Variants in PTPRM observed in about 807,000 individuals in gnomAD.
The protein encoded by PTPRM is receptor-type tyrosine-protein phosphatase mu.
A neutral mutation model predicts 186.7 loss-of-function variants in PTPRM; 47 were observed. The observed-to-expected ratio is 0.25, with a 90% CI of 0.20 to 0.32. The LOEUF (loss-of-function observed/expected upper bound fraction) is 0.32, where lower values mean the gene tolerates loss of function less well. PTPRM is among the 10% of genes least tolerant of loss of function. PTPRM has a pLI of 1.00. For missense variants in PTPRM, 1,494 were observed against 1,865.0 expected (o/e 0.80, Z 3.66); for synonymous variants, 668 against 674.9 (o/e 0.99, Z 0.16).
At chr18:8,384,707 G>T (rs777764750) in intron 30 of PTPRM, 21 bp downstream of exon 30, 125 of 1,613,010 alleles carry the variant, frequency 7.7e-5, no homozygotes, top group Non-Finnish European at 5.9e-5. Flanking sequence ...GGCCTGTCAT[G>T]CCTGTGATTA....
At chr18:8,088,528 A>G (rs1026518058) in intron 10 of PTPRM, among the ~76,000 whole-genome samples, 8 of 152,112 alleles carry the variant, frequency 5.3e-5, no homozygotes, top group African/African-American at 1.7e-4. Flanking sequence ...CCATCTCCCA[A>G]CTTCAACTCA....
chr18:7,750,696 G>A (rs996769374), intron 1 of PTPRM, among the ~76,000 whole-genome samples: 5 of 152,046 alleles, frequency 3.3e-5, no homozygotes, highest in Non-Finnish European at 5.9e-5. Flanking sequence ...GAAAAAATAC[G>A]TGCTATCTCA....
chr18:8,158,218 G>A (rs2093161388), intron 14 of PTPRM, among the ~76,000 whole-genome samples: 1 of 152,192 alleles, frequency 6.6e-6, no homozygotes, highest in South Asian at 2.1e-4. Context: ...TCTTAAAAGG[G>A]TATTGAGAGA....
intron 1 of PTPRM, among the ~76,000 whole-genome samples, chr18:7,590,799 A>G (rs959536951): frequency 6.6e-6 from 1 of 152,248 alleles, no homozygotes; most frequent in East Asian, 1.9e-4. Flanking sequence ...TGTATGGAAT[A>G]CAAGCTAAAA....
intron 7 of PTPRM, among the ~76,000 whole-genome samples, chr18:7,972,768 A>C (rs1168260422): frequency 6.6e-6 from 1 of 152,154 alleles, no homozygotes; most frequent in Non-Finnish European, 1.5e-5. Flanking sequence ...CAAAAAATAT[A>C]GAAGTATATG....
intron 1 of PTPRM, among the ~76,000 whole-genome samples, chr18:7,705,373 C>T (rs557204334): frequency 4.0e-5 from 6 of 151,272 alleles, no homozygotes; most frequent in Admixed American, 6.6e-5. Flanking sequence ...CTCTCTCTCT[C>T]TATCTTCCTA....
chr18:7,746,025 T>C (rs575189202), intron 1 of PTPRM, among the ~76,000 whole-genome samples: 177 of 152,022 alleles, frequency 1.2e-3, no homozygotes, highest in African/African-American at 4.1e-3. Flanking sequence ...TAACCTAATA[T>C]GGAAATGGAG....
At chr18:7,985,953 T>A (rs1286946782) in intron 7 of PTPRM, among the ~76,000 whole-genome samples, 2 of 151,982 alleles carry the variant, frequency 1.3e-5, no homozygotes, top group East Asian at 3.9e-4. Flanking sequence ...TGCAAATGAG[T>A]TATTTCAGAG....
intron 7 of PTPRM, among the ~76,000 whole-genome samples, chr18:7,969,464 G>C (rs1401295744): frequency 6.9e-6 from 1 of 144,756 alleles, no homozygotes; most frequent in Non-Finnish European, 1.5e-5. Flanking sequence ...AATCAGAGCA[G>C]AACTGAAGGA....
At position 8,157,721 on chromosome 18, in the gene PTPRM, G is replaced by A. The variant is rs1431684230; in HGVS notation, c.2300+13942G>A. Among the ~76,000 whole-genome samples the A allele has an allele frequency of 2.0e-5, 3 of 152,298 alleles. No homozygotes were observed. In the East Asian group the frequency reaches 5.8e-4, roughly 29 times the overall value. ...GTTCTCTGCAGATAAGTAAACCAAA[G>A]GTCCTGGGGCATCAATACTACCATG... On this transcript the variant is annotated intron_variant, in intron 14 of 32. Coordinates refer to ENST00000580170, the MANE Select transcript of PTPRM (RefSeq NM_001105244.2).
intron 1 of PTPRM, among the ~76,000 whole-genome samples, chr18:7,644,028 T>C (rs1410792548): frequency 1.3e-5 from 2 of 152,212 alleles, no homozygotes; most frequent in Non-Finnish European, 2.9e-5. Flanking sequence ...TCTTTTCAAA[T>C]GAATTTCCTT....
chr18:8,221,084 T>C (rs762031208), intron 14 of PTPRM, among the ~76,000 whole-genome samples: 15 of 152,152 alleles, frequency 9.9e-5, no homozygotes, highest in Non-Finnish European at 1.9e-4. Flanking sequence ...CTGTTTTTCC[T>C]CCCACTAAAC....
chr18:8,351,289 AAGTC>A (rs1485065480), intron 23 of PTPRM, among the ~76,000 whole-genome samples: 1 of 152,180 alleles, frequency 6.6e-6, no homozygotes, highest in Non-Finnish European at 1.5e-5. Context: ...CATTTATAGT[AAGTC>A]AGTCAGAGAA....
chr18:7,995,533 T>A (rs1214592278), intron 7 of PTPRM: 1 of 152,142 alleles, frequency 6.6e-6, no homozygotes, highest in Non-Finnish European at 1.5e-5. Context: ...AACAAAATAT[T>A]AACATAGTAA....
chr18:8,377,280 A>G (rs2095702587), intron 26 of PTPRM: 1 of 152,220 alleles, frequency 6.6e-6, no homozygotes, highest in Non-Finnish European at 1.5e-5. Flanking sequence ...AATCCCTTAC[A>G]TTTAGATGGT....
chr18:8,216,578 A>G (rs12454501), intron 14 of PTPRM, among the ~76,000 whole-genome samples: 71,657 of 151,922 alleles, frequency 0.47, 17,381 homozygotes, highest in East Asian at 0.74. Flanking sequence ...TTTATTTTTG[A>G]TCATTTTTCC....
intron 14 of PTPRM, among the ~76,000 whole-genome samples, chr18:8,171,895 C>T (rs1163970538): frequency 6.6e-6 from 1 of 152,132 alleles, no homozygotes; most frequent in Non-Finnish European, 1.5e-5. Context: ...GGAAAATCAT[C>T]TAACACAAAA....
intron 2 of PTPRM, among the ~76,000 whole-genome samples, chr18:7,860,373 T>C (rs2047310242): frequency 6.6e-6 from 1 of 152,168 alleles, no homozygotes; most frequent in Non-Finnish European, 1.5e-5. Context: ...GTGCCCATTC[T>C]GCCAGTTTTT....
At chr18:8,172,607 C>G (rs2093419374) in intron 14 of PTPRM, among the ~76,000 whole-genome samples, 1 of 151,934 alleles carries the variant, frequency 6.6e-6, no homozygotes, top group African/African-American at 2.4e-5. Context: ...TTAACAACCA[C>G]TGCTCCAGAG....
Sources: gnomAD v4.1 joint callset for allele counts (sites outside exome capture counted in the v4.1 genomes callset) on GRCh38, gnomAD v4.1.1 for gene constraint, MANE v1.5 for transcripts, NCBI Gene and HGNC (gene_info 2026-07-23, HGNC 2026-07-21) for gene names.